Variants in ZNF469 observed in about 807,000 individuals in gnomAD.
The protein encoded by ZNF469 is zinc finger protein 469.
In ZNF469, 1 loss-of-function variant was observed where a neutral mutation model predicts 1.0. The ratio of observed to expected loss-of-function variants is 1.00; its 90% CI spans 0.35 to 4.73. ZNF469 has a LOEUF of 4.73. Among genes scored for constraint, ZNF469 ranks in the 30% most tolerant of loss-of-function variants. ZNF469 has a pLI of 0.16. For synonymous variants in ZNF469, 2,703 were observed against 2,363.4 expected (o/e 1.14, Z -4.17); for missense variants, 6,100 against 5,356.3 (o/e 1.14, Z -4.33).
chr16:88,407,701 C>G (rs968564408), intron 1 of ZNF469, among the ~76,000 whole-genome samples: 1 of 152,220 alleles, frequency 6.6e-6, no homozygotes, highest in African/African-American at 2.4e-5. Flanking sequence ...TCCTAGCCCC[C>G]AAGTCCCACC....
At chr16:88,223,174 A>T in the ZNF469 span, among the ~76,000 whole-genome samples, 1 of 152,186 alleles carries the variant, frequency 6.6e-6, no homozygotes, top group African/African-American at 2.4e-5. Flanking sequence ...AGTGTCCATA[A>T]TTCCCATGGG....
the ZNF469 span, among the ~76,000 whole-genome samples, chr16:88,365,856 G>A: frequency 2.6e-5 from 4 of 152,148 alleles, no homozygotes; most frequent in African/African-American, 9.7e-5. Context: ...CAAGCTACCA[G>A]GCTGAGACTG....
chr16:88,312,330 T>A, the ZNF469 span, among the ~76,000 whole-genome samples: 1 of 152,226 alleles, frequency 6.6e-6, no homozygotes, highest in African/African-American at 2.4e-5. Context: ...CTCATGTGGT[T>A]ATAGGTTGCT....
the ZNF469 span, among the ~76,000 whole-genome samples, chr16:88,118,125 T>C: frequency 1.3e-5 from 2 of 152,154 alleles, no homozygotes; most frequent in South Asian, 4.1e-4. Flanking sequence ...GTATTTTTAG[T>C]AGAGACGGGG....
rs1216005421 is a variant in ZNF469 at position 88,428,096 on chromosome 16, G to A, written c.626G>A (p.Gly209Glu). ...PSATPRPPAPGPPQSRGTSPL... is the reference protein window; with the variant it reads ...PSATPRPPAPEPPQSRGTSPL... The stretch of plus-strand genomic sequence containing the variant: ...GCCACCCCCAGGCCCCCAGCCCCGG[G>A]GCCCCCCCAGAGCAGGGGCACCAGC... Residue 209 changes from glycine (G) to glutamate (E), a missense_variant, in exon 3 of 3, where the codon GGG (glycine) becomes GAG (glutamate). Gly to Glu is a moderately conservative substitution (Grantham distance 98, BLOSUM62 -2). Coordinates refer to ENST00000565624, the MANE Select transcript of ZNF469 (RefSeq NM_001367624.2). 1.9e-6 allele frequency: 3 copies of A among 1,549,732 alleles called. No homozygotes were observed. Among genetic ancestry groups the A allele is most frequent in the Non-Finnish European group, 2.6e-6 (3 of 1,146,812 alleles).
chr16:88,332,273 G>A, the ZNF469 span, among the ~76,000 whole-genome samples: 291 of 152,348 alleles, frequency 1.9e-3, no homozygotes, highest in African/African-American at 6.7e-3. Context: ...TAAGCGGGTC[G>A]GGTTTCGGCA....
intron 1 of ZNF469, among the ~76,000 whole-genome samples, chr16:88,389,496 A>C (rs906339568): frequency 3.9e-5 from 6 of 152,184 alleles, no homozygotes; most frequent in African/African-American, 1.2e-4. Context: ...GTGGGCACCC[A>C]CTGTCATCTC....
chr16:88,420,338 G>A (rs759991114), intron 1 of ZNF469, among the ~76,000 whole-genome samples: 12 of 152,182 alleles, frequency 7.9e-5, no homozygotes, highest in Non-Finnish European at 1.6e-4. Flanking sequence ...GGCTGGGACC[G>A]TTCACAAGGA....
chr16:88,381,287 CGCACTCACACACATGCACTCAT>C (rs1351887446), upstream of ZNF469, among the ~76,000 whole-genome samples: 5 of 149,386 alleles, frequency 3.3e-5, no homozygotes, highest in African/African-American at 7.4e-5. Flanking sequence ...CTCACACACA[CGCACTCACACACATGCACTCAT>C]GCACTCACAC....
At chr16:88,412,301 C>A (rs1597198105) in intron 1 of ZNF469, among the ~76,000 whole-genome samples, 1 of 152,352 alleles carries the variant, frequency 6.6e-6, no homozygotes, top group South Asian at 2.1e-4. Flanking sequence ...GCCCACCTTC[C>A]CAGTGCCCTC....
At chr16:88,392,441 G>A (rs1378935909) in intron 1 of ZNF469, among the ~76,000 whole-genome samples, 2 of 152,208 alleles carry the variant, frequency 1.3e-5, no homozygotes, top group Admixed American at 6.5e-5. Flanking sequence ...AGCCACACCC[G>A]ACTTTTGTGT....
chr16:88,418,017 G>T (rs1905350873), intron 1 of ZNF469, among the ~76,000 whole-genome samples: 1 of 152,196 alleles, frequency 6.6e-6, no homozygotes, highest in Admixed American at 6.5e-5. Flanking sequence ...ACCCGAATTG[G>T]TCCCTCACCC....
the ZNF469 span, among the ~76,000 whole-genome samples, chr16:88,134,993 G>A: frequency 0.13 from 19,975 of 152,100 alleles, 1,630 homozygotes; most frequent in East Asian, 0.27. Context: ...TCCCCAGGCC[G>A]CTCCTCCCTG....
At chr16:88,152,128 G>C in the ZNF469 span, among the ~76,000 whole-genome samples, 1 of 152,192 alleles carries the variant, frequency 6.6e-6, no homozygotes, top group Non-Finnish European at 1.5e-5. The surrounding 1 kb of genome is among the most constrained non-coding windows in gnomAD (Gnocchi z 4.2). Context: ...GGTGGAGGAG[G>C]GCAGGCGTCT....
Position 88,435,849 on chromosome 16 carries a change from C to T in ZNF469, c.8379C>T (p.Asn2793=). 2 of 1,550,420 alleles carry T rather than the reference C, an allele frequency of 1.3e-6. No homozygotes were observed. The highest frequency in any genetic ancestry group is 2.4e-5 in the South Asian group (2 of 84,068). ...CAGAGGAAGGTGTCTGGGAGGAGAA[C>T]ACGCCCCCCTTGGGCCCCCTGGGTT... ...SRSEEGVWEE[N]TPPLGPLGFP... The change falls in exon 3 of 3, where the codon AAC becomes AAT. Residue 2793 remains asparagine (N), a synonymous_variant. Transcript: ENST00000565624.
In ZNF469 at chr16:88,428,291, A is replaced by C; in HGVS notation, c.821A>C (p.Gln274Pro). Residue 274 changes from glutamine to proline, a missense_variant, in exon 3 of 3, where the codon CAG becomes CCG. Coordinates refer to ENST00000565624, the MANE Select transcript of ZNF469 (RefSeq NM_001367624.2). ...GGCAGCCCCAGGGGAGTTTCCTTCC[A>C]GTTCCCCTTCCCGGCACTGCATGGG... is the stretch of plus-strand genomic sequence containing the variant. ...PGGSPRGVSF[Q>P]FPFPALHGAS... 6.5e-7 allele frequency: 1 copy of C among 1,550,380 alleles called. No homozygotes were observed. The highest frequency in any genetic ancestry group is 2.4e-5 in the East Asian group (1 of 40,916).
chr16:88,419,680 C>T (rs1014143917), intron 1 of ZNF469, among the ~76,000 whole-genome samples: 1 of 152,226 alleles, frequency 6.6e-6, no homozygotes, highest in Non-Finnish European at 1.5e-5. Flanking sequence ...AATAGCACTC[C>T]ACCCCTCCTC....
chr16:88,251,257 C>T, the ZNF469 span, among the ~76,000 whole-genome samples: 2 of 152,180 alleles, frequency 1.3e-5, no homozygotes, highest in African/African-American at 4.8e-5. Context: ...CTCTGTGAAA[C>T]CCATTATCTG....
the ZNF469 span, among the ~76,000 whole-genome samples, chr16:88,155,696 G>A: frequency 1.3e-5 from 2 of 152,230 alleles, no homozygotes; most frequent in African/African-American, 4.8e-5. Flanking sequence ...GTTTATGCAT[G>A]AATTTGGTGG....
Sources: gnomAD v4.1 joint callset for allele counts (sites outside exome capture counted in the v4.1 genomes callset) on GRCh38, gnomAD v4.1.1 for gene constraint, Gnocchi (gnomAD v3.1) non-coding constraint, MANE v1.5 for transcripts, NCBI Gene and HGNC (gene_info 2026-07-23, HGNC 2026-07-21) for gene names.